The following SUSD1 variants were observed in gnomAD, a reference collection of about 807,000 sequenced individuals.
The protein encoded by SUSD1 is sushi domain containing 1.
SUSD1 carries 65 observed loss-of-function variants against 86.9 expected under a neutral mutation model. The ratio of observed to expected loss-of-function variants is 0.75; its 90% CI spans 0.61 to 0.92. The LOEUF (loss-of-function observed/expected upper bound fraction) is 0.92. Among genes scored for constraint, SUSD1 ranks in the 40% least tolerant of loss-of-function variants. The pLI, the probability that SUSD1 is intolerant of heterozygous loss-of-function variation, is 0.00. For synonymous variants in SUSD1, 346 were observed against 350.0 expected (o/e 0.99, Z 0.13); for missense variants, 850 against 929.7 (o/e 0.91, Z 1.11).
intron 1 of SUSD1, among the ~76,000 whole-genome samples, chr9:112,163,968 T>C (rs1297591917): frequency 6.6e-6 from 1 of 151,424 alleles, no homozygotes; most frequent in Admixed American, 6.6e-5. Flanking sequence ...GCCACTGCAC[T>C]CCAGGCTGGG....
chr9:112,170,710 T>TAGAGAGAGAGAGAGAG (rs1554778939), intron 1 of SUSD1, among the ~76,000 whole-genome samples: 3 of 113,826 alleles, frequency 2.6e-5, no homozygotes, highest in African/African-American at 1.1e-4. Flanking sequence ...TATATATATA[T>TAGAGAGAGAGAGAGAG]AGAGAGAGAG....
chr9:112,156,326 G>A (rs1404135877), intron 2 of SUSD1, among the ~76,000 whole-genome samples: 7 of 152,150 alleles, frequency 4.6e-5, no homozygotes, highest in East Asian at 1.9e-4. Flanking sequence ...GCTGGGCATG[G>A]TGGCACATAC....
chr9:112,108,774 C>CAAAAAAAAAAAAAAAAAAAAAAAA (rs11312103), intron 8 of SUSD1, among the ~76,000 whole-genome samples: 1 of 68,604 alleles, frequency 1.5e-5, no homozygotes, highest in Non-Finnish European at 3.1e-5. Flanking sequence ...CTGGGTGTCT[C>CAAAAAAAAAAAAAAAAAAAAAAAA]AAAAAAAAAA....
intron 1 of SUSD1, among the ~76,000 whole-genome samples, chr9:112,165,889 GA>G (rs1833773558): frequency 1.3e-5 from 1 of 79,176 alleles, no homozygotes; most frequent in Non-Finnish European, 2.3e-5. Context: ...GAAAGAAAAA[GA>G]AAGAAAGAAA....
intron 10 of SUSD1, among the ~76,000 whole-genome samples, chr9:112,093,343 C>A (rs965811261): frequency 1.3e-5 from 2 of 152,150 alleles, no homozygotes; most frequent in African/African-American, 4.8e-5. Context: ...CTCTGGGACC[C>A]GCCTGTGCAC....
intron 12 of SUSD1, among the ~76,000 whole-genome samples, chr9:112,071,708 T>G (rs1431507573): frequency 2.0e-5 from 3 of 152,142 alleles, no homozygotes; most frequent in Non-Finnish European, 4.4e-5. Flanking sequence ...TACTGCAAAC[T>G]TCAAGTAAAC....
chr9:112,111,371 T>C (rs1385189543), intron 8 of SUSD1, among the ~76,000 whole-genome samples: 1 of 152,204 alleles, frequency 6.6e-6, no homozygotes, highest in Non-Finnish European at 1.5e-5. Flanking sequence ...GAGAGTGGAC[T>C]GATCATCATT....
intron 1 of SUSD1, among the ~76,000 whole-genome samples, chr9:112,160,635 C>G (rs1237515023): frequency 6.6e-6 from 1 of 151,992 alleles, no homozygotes; most frequent in Non-Finnish European, 1.5e-5. Flanking sequence ...GGCCTTGATC[C>G]CAGGAGTTTG....
At chr9:112,089,632 T>G (rs543210338) in intron 10 of SUSD1, among the ~76,000 whole-genome samples, 1 of 151,952 alleles carries the variant, frequency 6.6e-6, no homozygotes, top group African/African-American at 2.4e-5. Flanking sequence ...ACCAACATGG[T>G]GAAACCCTGT....
At chr9:112,110,400 TTTTG>T (rs1256747258) in intron 8 of SUSD1, among the ~76,000 whole-genome samples, 2 of 151,846 alleles carry the variant, frequency 1.3e-5, no homozygotes, top group African/African-American at 4.8e-5. Context: ...CTACCGGGTT[TTTTG>T]TTTGTTTTCT....
intron 12 of SUSD1, among the ~76,000 whole-genome samples, chr9:112,075,439 G>T (rs2131545512): frequency 6.6e-6 from 1 of 152,242 alleles, no homozygotes; most frequent in South Asian, 2.1e-4. Flanking sequence ...TAGAAAACAA[G>T]CTCTAGGCTG....
chr9:112,143,646 G>C (rs1168899875), intron 3 of SUSD1, 23 bp from the exon 4 acceptor site: 1 of 1,552,688 alleles, frequency 6.4e-7, no homozygotes, highest in African/African-American at 1.4e-5. Context: ...TCCAAATAGA[G>C]AAAAGGAGAT....
At chr9:112,070,725 A>T (rs1011210949) in intron 12 of SUSD1, among the ~76,000 whole-genome samples, 1 of 152,130 alleles carries the variant, frequency 6.6e-6, no homozygotes, top group Admixed American at 6.5e-5. Context: ...TGCTCTGCAA[A>T]AAAAAATATT....
intron 2 of SUSD1, among the ~76,000 whole-genome samples, chr9:112,151,326 T>C (rs756763215): frequency 1.3e-5 from 2 of 152,156 alleles, no homozygotes; most frequent in Non-Finnish European, 2.9e-5. Flanking sequence ...GCCAGGCACG[T>C]TGGTTCACAC....
chr9:112,112,139 C>T (rs1221900728), intron 7 of SUSD1: 6 of 268,656 alleles, frequency 2.2e-5, no homozygotes, highest in East Asian at 1.5e-4. Flanking sequence ...AGTCAGCAGA[C>T]GCTCCCGGGC....
At chr9:112,139,812 G>C (rs1054754790) in intron 5 of SUSD1, among the ~76,000 whole-genome samples, 2 of 152,066 alleles carry the variant, frequency 1.3e-5, no homozygotes, top group Non-Finnish European at 2.9e-5. Context: ...GGAATAGATT[G>C]ATGTTTCCTT....
chr9:112,117,927 G>A (rs1470983475), intron 6 of SUSD1, among the ~76,000 whole-genome samples: 2 of 152,174 alleles, frequency 1.3e-5, no homozygotes, highest in African/African-American at 2.4e-5. Context: ...GTGAAGTGGG[G>A]GTGTTCGATG....
chr9:112,116,032 T>A (rs1831309906), intron 6 of SUSD1, among the ~76,000 whole-genome samples: 1 of 151,962 alleles, frequency 6.6e-6, no homozygotes, highest in Admixed American at 6.6e-5. Flanking sequence ...CACTTACACA[T>A]CCCTTTGATG....
intron 16 of SUSD1, 107 bp from the exon 17 acceptor site, chr9:112,041,599 G>A (rs556968375): frequency 9.3e-6 from 7 of 755,898 alleles, no homozygotes; most frequent in East Asian, 2.5e-5. Context: ...GAGGAGGCGA[G>A]GGGGAGCAGC....
Sources: allele counts gnomAD v4.1 joint callset (sites outside exome capture counted in the v4.1 genomes callset), GRCh38; gene constraint gnomAD v4.1.1; transcripts MANE v1.5; gene names NCBI Gene and HGNC (gene_info 2026-07-23, HGNC 2026-07-21).